Variants in PITPNM2 observed in about 807,000 individuals in gnomAD.
The protein encoded by PITPNM2 is phosphatidylinositol transfer protein membrane associated 2.
PITPNM2 carries 35 observed loss-of-function variants against 132.2 expected under a neutral mutation model. The observed-to-expected ratio is 0.26, with a 90% CI of 0.20 to 0.35. The LOEUF (loss-of-function observed/expected upper bound fraction) is 0.35. Among genes scored for constraint, PITPNM2 ranks in the 10% least tolerant of loss-of-function variants. PITPNM2 has a pLI of 1.00. For missense variants in PITPNM2, 1,332 were observed against 1,912.0 expected (o/e 0.70, Z 5.66); for synonymous variants, 738 against 799.2 (o/e 0.92, Z 1.29).
chr12:123,008,869 C>T lies in PITPNM2; in HGVS notation c.643+981G>A, dbSNP rs1454370801. 6.6e-6 allele frequency among the ~76,000 whole-genome samples: 1 copy of T among 152,230 alleles called. No individual in the cohort carries two copies. On this transcript the variant is annotated intron_variant, in intron 6 of 25. Coordinates refer to ENST00000320201, the MANE Select transcript of PITPNM2 (RefSeq NM_020845.3). The surrounding 1 kb of genome is among the most constrained non-coding windows in gnomAD (Gnocchi z 4.1). ...ACCCCAATCCTTTCGGGTACACATC[C>T]ACCCTTCCCTTGGGGTCACAGCCCC...
In PITPNM2 at chr12:123,133,937, C is replaced by A. The variant is rs553228378; in HGVS notation, c.-200+16816G>T. ...CCTCAGGTGATACGCCCACCTTGGC[C>A]TCCCAAGTGCTGAGATTACAGGCGT... On this transcript the variant is annotated intron_variant, in intron 1 of 25. Transcript: ENST00000320201. Among the ~76,000 whole-genome samples, 19 of 152,318 alleles carry A rather than the reference C, an allele frequency of 1.2e-4. No homozygotes were observed. The South Asian group carries it at 2.5e-3, about 20-fold the overall frequency.
rs1170397011 is a variant in PITPNM2, at chr12:123,128,264, C to CAAAAAAAAAAA, written c.-199-17787_-199-17777dup. Among the ~76,000 whole-genome samples the CAAAAAAAAAAA allele has an allele frequency of 2.2e-4, 5 of 22,752 alleles. 2 individuals carry two copies. The highest frequency in any genetic ancestry group is 1.1e-3 in the Admixed American group (2 of 1,852). 14.9% of individuals were successfully genotyped at this position (22,752 alleles called of 152,430 possible). On this transcript the variant is annotated intron_variant, in intron 1 of 25. Transcript: ENST00000320201. ...TAAACATGGCGAAACCCCATCTCTA[C>CAAAAAAAAAAA]AAAAAAAAAAAAAAAAAAAAAAAAA...
chr12:123,136,468 C>T (rs2043384945), intron 1 of PITPNM2, among the ~76,000 whole-genome samples: 1 of 152,184 alleles, frequency 6.6e-6, no homozygotes. Flanking sequence ...AGCTTATCTT[C>T]CATGTAATCT....
intron 2 of PITPNM2, among the ~76,000 whole-genome samples, chr12:123,042,039 C>A (rs940519247): frequency 6.6e-6 from 1 of 151,984 alleles, no homozygotes; most frequent in African/African-American, 2.4e-5. Flanking sequence ...AGAGACCAGC[C>A]GTGGGCAAGG....
At chr12:123,127,336 G>A (rs2043160312) in intron 1 of PITPNM2, among the ~76,000 whole-genome samples, 1 of 152,170 alleles carries the variant, frequency 6.6e-6, no homozygotes, top group African/African-American at 2.4e-5. Flanking sequence ...TGTTACTCTT[G>A]TTTCTAACCA....
At position 122,996,532 on chromosome 12, in the gene PITPNM2, C is replaced by A; in HGVS notation, c.1708G>T (p.Ala570Ser). 6.2e-7 allele frequency: 1 copy of A among 1,613,088 alleles called. No homozygotes were observed. The part of the protein sequence containing the change: ...DCVGGILAFD[A>S]LCYSNQPVSE... ...ACCGGCTGGTTACTGTAGCACAGGG[C>A]ATCAAATGCCAGGATGCCCCCGACG... is the stretch of plus-strand genomic sequence containing the variant. The change falls in exon 13 of 26, where the codon GCC becomes TCC. Residue 570 changes from alanine to serine, a missense_variant. Around this residue, in one of 6 missense-constraint regions of PITPNM2, gnomAD observed 710 missense variants for 911.5 expected, o/e 0.78. Transcript: ENST00000320201.
chr12:123,023,507 G>T lies in PITPNM2; in HGVS notation c.79-9465C>A, dbSNP rs1226180668. ...CAGGGACTGGAAGCAACATGTTTGG[G>T]CCACAAGCTGGAGGGTTAGAGGTAG... On this transcript the variant is annotated intron_variant, in intron 3 of 25. Transcript: ENST00000320201. This position sits in a 1 kb window ranked among gnomAD's most constrained non-coding sequence, Gnocchi z 4.8. Among the ~76,000 whole-genome samples, 1 of 152,172 alleles carries T rather than the reference G, an allele frequency of 6.6e-6. No homozygotes were observed. The highest frequency in any genetic ancestry group is 1.5e-5 in the Non-Finnish European group (1 of 68,034).
intron 2 of PITPNM2, among the ~76,000 whole-genome samples, chr12:123,070,423 G>A (rs1441148163): frequency 6.6e-6 from 1 of 152,220 alleles, no homozygotes; most frequent in African/African-American, 2.4e-5. Flanking sequence ...CACAGCTGCT[G>A]TCATCAGCAC....
rs1363808295 is a variant in PITPNM2 at position 123,005,543 on chromosome 12, G to A, written c.649C>T (p.Arg217Trp). 1.9e-6 allele frequency: 3 copies of A among 1,612,548 alleles called. No individual in the cohort carries two copies. Among genetic ancestry groups the A allele is most frequent in the Non-Finnish European group, 2.5e-6 (3 of 1,179,550 alleles). ...CGGTGAGCCCGCACCATCACCCTCC[G>A]TAGTCCTGTGCCCCATGGGGATCAG... ...IERFIHDTGL[R>W]RVMVRAHRQA... Residue 217 changes from arginine to tryptophan, a missense_variant, in exon 7 of 26, where the codon CGG becomes TGG. Arg to Trp is a moderately radical substitution (Grantham distance 101). This residue lies in a region of PITPNM2 where 122 missense variants were observed against 209.6 expected (regional missense o/e 0.58). Coordinates refer to ENST00000320201, the MANE Select transcript of PITPNM2 (RefSeq NM_020845.3). The surrounding 1 kb of genome is among the most constrained non-coding windows in gnomAD (Gnocchi z 6.2).
chr12:122,997,045 G>A (rs1007472643), intron 11 of PITPNM2, 135 bp from the exon 12 acceptor site: 2 of 1,007,928 alleles, frequency 2.0e-6, no homozygotes, highest in Admixed American at 5.8e-5. Context: ...GCCTGGATAG[G>A]CTTGGGGGAC....
At chr12:123,072,023 A>C (rs2136914789) in intron 2 of PITPNM2, among the ~76,000 whole-genome samples, 1 of 152,184 alleles carries the variant, frequency 6.6e-6, no homozygotes, top group Non-Finnish European at 1.5e-5. Flanking sequence ...TTTTAAATTT[A>C]CCCATTCCCC....
intron 2 of PITPNM2, among the ~76,000 whole-genome samples, chr12:123,109,993 T>C (rs917826581): frequency 3.9e-5 from 6 of 152,220 alleles, no homozygotes; most frequent in African/African-American, 1.4e-4. Context: ...GGTCTCACTG[T>C]GTTACTCAGG....
intron 2 of PITPNM2, chr12:123,092,025 C>T (rs891423657): frequency 6.6e-6 from 1 of 152,364 alleles, no homozygotes; most frequent in African/African-American, 2.4e-5. Context: ...TCTTCCTTGC[C>T]CTCTTGCTTT....
chr12:123,035,703 G>A (rs1402884402), intron 2 of PITPNM2, among the ~76,000 whole-genome samples: 3 of 151,698 alleles, frequency 2.0e-5, no homozygotes, highest in Admixed American at 6.6e-5. Context: ...TGGAAGAGGC[G>A]CATACTCAGT....
Position 123,005,656 on chromosome 12 carries a change from T to C in PITPNM2, c.644-108A>G, listed in dbSNP as rs2038896957. On this transcript the variant is annotated intron_variant, in intron 6 of 25. Transcript: ENST00000320201. The surrounding 1 kb of genome is among the most constrained non-coding windows in gnomAD (Gnocchi z 6.2). ...CAGGGGCTTTGGGAGGCTGTACCCA[T>C]GTTGCAGGTCAAACTAAAGTCACTG... 5 of 1,138,264 alleles carry C rather than the reference T, an allele frequency of 4.4e-6. No individual in the cohort carries two copies. The highest frequency in any genetic ancestry group is 6.2e-6 in the Non-Finnish European group (5 of 801,016). 70.5% of individuals were successfully genotyped at this position (1,138,264 alleles called of 1,614,324 possible).
chr12:123,004,243 GT>G lies in PITPNM2; in HGVS notation c.1048+150del. 1 of 697,160 alleles carries G rather than the reference GT, an allele frequency of 1.4e-6. No individual in the cohort carries two copies. Among genetic ancestry groups the G allele is most frequent in the South Asian group, 1.8e-5 (1 of 56,130 alleles). The allele number at this position is 697,160 out of a possible 1,614,324, so 43.2% of individuals were successfully genotyped here. ...TGTGCACTGCCCCAAACACCAGGCT[GT>G]CCACCTGGGACAGTGCAGGTATAGG... On this transcript the variant is annotated intron_variant, in intron 8 of 25. Coordinates refer to ENST00000320201, the MANE Select transcript of PITPNM2 (RefSeq NM_020845.3). The surrounding 1 kb of genome is among the most constrained non-coding windows in gnomAD (Gnocchi z 4.9).
At chr12:123,135,524 C>T (rs2043359946) in intron 1 of PITPNM2, among the ~76,000 whole-genome samples, 1 of 152,088 alleles carries the variant, frequency 6.6e-6, no homozygotes, top group African/African-American at 2.4e-5. Flanking sequence ...CCCATTGCTT[C>T]CTCCCCTCAG....
Position 123,001,221 on chromosome 12 carries a change from G to A in PITPNM2, c.1049-63C>T, listed in dbSNP as rs1017215776. ...ACGCTGGGGAAGCCTGGCTTCCCGAGGTGGGGACGCCCCTGTGTACGGCTC... is the reference window on the plus strand; with the variant it reads ...ACGCTGGGGAAGCCTGGCTTCCCGAAGTGGGGACGCCCCTGTGTACGGCTC... On this transcript the variant is annotated intron_variant, in intron 8 of 25. Transcript: ENST00000320201. 4 of 1,318,212 alleles carry A rather than the reference G, an allele frequency of 3.0e-6. No homozygotes were observed. In the Admixed American group the frequency reaches 6.8e-5, roughly 22 times the overall value. 81.7% of individuals were successfully genotyped at this position (1,318,212 alleles called of 1,614,324 possible).
Position 122,990,752 on chromosome 12 carries a change from G to A in PITPNM2, c.2405-43C>T. The A allele has an allele frequency of 1.9e-6, 3 of 1,546,284 alleles. No homozygotes were observed. In the South Asian group the frequency reaches 3.7e-5, roughly 19 times the overall value. On this transcript the variant is annotated intron_variant, in intron 16 of 25. Transcript: ENST00000320201. ...CCAGAGGCCAGGTAAGAGAGGCCCT[G>A]CCCAGCCCCGGAGCAGTGGGGAAGC...
Sources: gnomAD v4.1 joint callset for allele counts (sites outside exome capture counted in the v4.1 genomes callset) on GRCh38, gnomAD v4.1.1 for gene constraint, gnomAD v4.1.1 regional missense constraint, Gnocchi (gnomAD v3.1) non-coding constraint, MANE v1.5 for transcripts, NCBI Gene and HGNC (gene_info 2026-07-23, HGNC 2026-07-21) for gene names.